The following CMIP variants were observed in gnomAD, a reference collection of about 807,000 sequenced individuals.
The protein encoded by CMIP is c-Maf inducing protein.
In CMIP, 13 loss-of-function variants were observed where a neutral mutation model predicts 97.3. That is an observed-to-expected ratio of 0.13 (90% CI 0.09 to 0.21). The LOEUF (loss-of-function observed/expected upper bound fraction) is 0.21, where lower values mean the gene tolerates loss of function less well. CMIP is among the 10% of genes least tolerant of loss of function. The pLI is 1.00. For missense variants in CMIP, 847 were observed against 1,024.9 expected (o/e 0.83, Z 2.37); for synonymous variants, 538 against 436.3 (o/e 1.23, Z -2.91).
At chr16:81,607,506 C>T (rs2091763308) in intron 1 of CMIP, 61 bp from the exon 2 acceptor site, 7 of 1,588,114 alleles carry the variant, frequency 4.4e-6, no homozygotes, top group Non-Finnish European at 3.4e-6. Flanking sequence ...GTCTGAGATG[C>T]GGACGTCATG....
At chr16:81,509,399 TTG>T (rs1392491910) in intron 1 of CMIP, among the ~76,000 whole-genome samples, 1 of 152,122 alleles carries the variant, frequency 6.6e-6, no homozygotes, top group Non-Finnish European at 1.5e-5. Flanking sequence ...GCATAACACA[TTG>T]GTGGGAGTTT....
In CMIP at chr16:81,679,521, A is replaced by T. The variant is rs545749079; in HGVS notation, c.1388+893A>T. Among the ~76,000 whole-genome samples, 3 of 152,074 alleles carry T rather than the reference A, an allele frequency of 2.0e-5. No individual in the cohort carries two copies. The South Asian group carries it at 6.2e-4, about 32-fold the overall frequency. ...CATGTGTCTGAGTGAGTGACGGGTC[A>T]TGTGCAGGAGTGTGTGAGTCTGTCT... On this transcript the variant is annotated intron_variant, in intron 10 of 20. Coordinates refer to ENST00000537098, the MANE Select transcript of CMIP (RefSeq NM_198390.3).
chr16:81,490,946 C>G (rs2089395619), intron 1 of CMIP, among the ~76,000 whole-genome samples: 1 of 152,096 alleles, frequency 6.6e-6, no homozygotes, highest in African/African-American at 2.4e-5. Context: ...CTGTGTAATG[C>G]CAGTTTTTCT....
At position 81,710,452 on chromosome 16, in the gene CMIP, G is replaced by A. The variant is rs1908640896; in HGVS notation, c.*653G>A. On this transcript the variant is annotated 3_prime_UTR_variant, in exon 21 of 21. Coordinates refer to ENST00000537098, the MANE Select transcript of CMIP (RefSeq NM_198390.3). ...CCGCCCTCCCGCCCCCACCTGGCGT[G>A]TAGTACTGTATAAACCAGTCAGCTG... The A allele has an allele frequency of 2.1e-5, 3 of 144,744 alleles. No homozygotes were observed. Among genetic ancestry groups the A allele is most frequent in the South Asian group, 4.4e-4 (2 of 4,590 alleles). The allele number at this position is 144,744 out of a possible 1,614,324, so 9.0% of individuals were successfully genotyped here.
chr16:81,700,308 G>C (rs1050163774), intron 15 of CMIP, among the ~76,000 whole-genome samples: 2 of 152,010 alleles, frequency 1.3e-5, no homozygotes, highest in South Asian at 4.2e-4. Context: ...CACCTGCCAA[G>C]AACACACACA....
intron 1 of CMIP, among the ~76,000 whole-genome samples, chr16:81,556,036 C>T (rs1049493897): frequency 1.3e-4 from 20 of 152,158 alleles, no homozygotes; most frequent in Admixed American, 1.2e-3. Flanking sequence ...ACAGAATCAC[C>T]GTCTTCTCTG....
intron 3 of CMIP, among the ~76,000 whole-genome samples, chr16:81,640,032 T>G (rs1291504278): frequency 6.6e-6 from 1 of 152,122 alleles, no homozygotes; most frequent in African/African-American, 2.4e-5. Flanking sequence ...CCATGGCTCC[T>G]CTTTGCCAGG....
chr16:81,675,388 T>G (rs1904291864), intron 9 of CMIP, among the ~76,000 whole-genome samples: 1 of 150,266 alleles, frequency 6.7e-6, no homozygotes, highest in South Asian at 2.1e-4. Flanking sequence ...TTTTTTTTTT[T>G]TTGTATTTTT....
chr16:81,536,059 A>T (rs2090336796), intron 1 of CMIP, among the ~76,000 whole-genome samples: 1 of 152,198 alleles, frequency 6.6e-6, no homozygotes. Flanking sequence ...GTGTAAACTC[A>T]TAAGCAGGGA....
At chr16:81,522,241 T>A (rs2090042571) in intron 1 of CMIP, among the ~76,000 whole-genome samples, 3 of 151,748 alleles carry the variant, frequency 2.0e-5, no homozygotes, top group Admixed American at 2.0e-4. Flanking sequence ...TTTCCTGGAG[T>A]GTGATTGGTG....
chr16:81,561,181 C>A (rs1281674026), intron 1 of CMIP, among the ~76,000 whole-genome samples: 3 of 152,218 alleles, frequency 2.0e-5, no homozygotes, highest in Non-Finnish European at 2.9e-5. Flanking sequence ...TCTTGAACTC[C>A]TGACCTCAAG....
At chr16:81,606,133 C>T (rs182639250) in intron 1 of CMIP, among the ~76,000 whole-genome samples, 10 of 152,342 alleles carry the variant, frequency 6.6e-5, no homozygotes, top group African/African-American at 2.4e-4. Flanking sequence ...GCCTTTGCCT[C>T]TTTCTTGGAA....
intron 1 of CMIP, among the ~76,000 whole-genome samples, chr16:81,534,586 G>C (rs2090305161): frequency 6.6e-6 from 1 of 151,754 alleles, no homozygotes; most frequent in South Asian, 2.1e-4. Context: ...TTCTTAATTA[G>C]TGTCTTCGTG....
At chr16:81,671,639 G>T (rs1415087420) in intron 8 of CMIP, among the ~76,000 whole-genome samples, 1 of 152,220 alleles carries the variant, frequency 6.6e-6, no homozygotes, top group Non-Finnish European at 1.5e-5. Flanking sequence ...CCCCAACTGA[G>T]GAGGGGGCTG....
At chr16:81,680,969 C>G (rs1904816358) in intron 10 of CMIP, among the ~76,000 whole-genome samples, 1 of 152,200 alleles carries the variant, frequency 6.6e-6, no homozygotes, top group African/African-American at 2.4e-5. Context: ...CATAAACATG[C>G]TCATGAATGG....
intron 3 of CMIP, among the ~76,000 whole-genome samples, chr16:81,650,892 C>T (rs545696806): frequency 1.3e-5 from 2 of 152,312 alleles, no homozygotes; most frequent in Non-Finnish European, 2.9e-5. Context: ...CCTCCCGTCC[C>T]ACCAGTGTGC....
At chr16:81,659,279 A>G (rs1263201234) in intron 5 of CMIP, among the ~76,000 whole-genome samples, 1 of 152,208 alleles carries the variant, frequency 6.6e-6, no homozygotes, top group Non-Finnish European at 1.5e-5. Context: ...GCCATTGAGG[A>G]CTGAATGTGT....
intron 1 of CMIP, among the ~76,000 whole-genome samples, chr16:81,553,243 G>A (rs1197279250): frequency 1.3e-5 from 2 of 152,240 alleles, no homozygotes; most frequent in African/African-American, 4.8e-5. Context: ...TTTTCTGGAA[G>A]ATGAAGGGGC....
In CMIP at chr16:81,576,322, T is replaced by G. The variant is rs926814003; in HGVS notation, c.301-31245T>G. The stretch of plus-strand genomic sequence containing the variant: ...GGGAGGCTGATGGAGGAGAATCGCT[T>G]GAACCCGGGAGGCAGGGGTTGCAGT... On this transcript the variant is annotated intron_variant, in intron 1 of 20. Coordinates refer to ENST00000537098, the MANE Select transcript of CMIP (RefSeq NM_198390.3). Among the ~76,000 whole-genome samples, 48 of 152,074 alleles carry G rather than the reference T, an allele frequency of 3.2e-4. 1 individual carries two copies. Among genetic ancestry groups the G allele is most frequent in the Non-Finnish European group, 4.4e-5 (3 of 68,004 alleles).
Sources: gnomAD v4.1 joint callset for allele counts (sites outside exome capture counted in the v4.1 genomes callset) on GRCh38, gnomAD v4.1.1 for gene constraint, MANE v1.5 for transcripts, NCBI Gene and HGNC (gene_info 2026-07-23, HGNC 2026-07-21) for gene names.